The following TMEM178A variants were observed in gnomAD, a reference collection of about 807,000 sequenced individuals.
TMEM178A encodes the protein transmembrane protein 178A.
TMEM178A carries 12 observed loss-of-function variants against 29.1 expected under a neutral mutation model. The ratio of observed to expected loss-of-function variants is 0.41; its 90% confidence interval spans 0.26 to 0.67. TMEM178A has a LOEUF of 0.67. Among genes scored for constraint, TMEM178A ranks in the 30% least tolerant of loss-of-function variants. The pLI, the probability that TMEM178A is intolerant of heterozygous loss-of-function variation, is 0.29. For missense variants in TMEM178A, 366 were observed against 419.1 expected (o/e 0.87, Z 1.11); for synonymous variants, 210 against 187.2 (o/e 1.12, Z -0.99).
chr2:39,734,137 T>C, the TMEM178A span, among the ~76,000 whole-genome samples: 2 of 152,284 alleles, frequency 1.3e-5, no homozygotes, highest in East Asian at 3.9e-4. Flanking sequence ...CTCCAGCTCT[T>C]TTCCTATTTT....
intron 1 of TMEM178A, among the ~76,000 whole-genome samples, chr2:39,684,579 AT>A (rs1392823693): frequency 2.0e-5 from 3 of 152,184 alleles, no homozygotes; most frequent in Non-Finnish European, 4.4e-5. Context: ...ATATGTCCTC[AT>A]ATCCCTTTCT....
intron 3 of TMEM178A, among the ~76,000 whole-genome samples, chr2:39,711,827 CTG>C (rs1289750313): frequency 1.3e-5 from 2 of 152,100 alleles, no homozygotes; most frequent in African/African-American, 4.8e-5. Flanking sequence ...TGCATATATC[CTG>C]TGTTATTTAA....
intron 1 of TMEM178A, among the ~76,000 whole-genome samples, chr2:39,680,677 T>A (rs1489944915): frequency 6.6e-6 from 1 of 152,242 alleles, no homozygotes; most frequent in Admixed American, 6.5e-5. Context: ...TAGTATAATT[T>A]AAATTTTGCC....
In TMEM178A at chr2:39,666,137, C is replaced by A. The variant is rs768234209; in HGVS notation, c.163C>A (p.Gln55Lys). 3 of 1,536,556 alleles carry A rather than the reference C, an allele frequency of 2.0e-6. No individual in the cohort carries two copies. In the South Asian group the frequency reaches 3.6e-5, roughly 18 times the overall value. ...CCGCGCGGGCGCCGACCCCCCGGAC[C>A]AGAAGAACCGCCTGATGCCGCTGTC... The part of the protein sequence containing the change: ...RSRAGADPPD[Q>K]KNRLMPLSHL... The change falls in exon 1 of 4, where the codon CAG becomes AAG. Residue 55 changes from glutamine (Q) to lysine (K), a missense_variant. Gln to Lys is a moderately conservative substitution (Grantham distance 53, BLOSUM62 1). Around this residue, in one of 2 missense-constraint regions of TMEM178A, gnomAD observed 247 missense variants for 246.8 expected, o/e 1.00. Coordinates refer to ENST00000281961, the MANE Select transcript of TMEM178A (RefSeq NM_152390.3).
At chr2:39,733,024 C>T in the TMEM178A span, among the ~76,000 whole-genome samples, 2 of 152,216 alleles carry the variant, frequency 1.3e-5, no homozygotes, top group Non-Finnish European at 2.9e-5. Context: ...TTCCAAAAAT[C>T]TATACCCTTA....
rs1671927809 is a variant in TMEM178A at position 39,704,214 on chromosome 2, G to T, written c.514+20G>T. The T allele has an allele frequency of 6.2e-7, 1 of 1,601,384 alleles. No homozygotes were observed. Among genetic ancestry groups the T allele is most frequent in the Admixed American group, 1.7e-5 (1 of 59,942 alleles). On this transcript the variant is annotated intron_variant, in intron 2 of 3. Coordinates refer to ENST00000281961, the MANE Select transcript of TMEM178A (RefSeq NM_152390.3). ...TGCTTCGTAAGTATTTCCAGGAGAG[G>T]TTCAGAGAGGAAATGGTGTCATTCT...
At chr2:39,721,398 C>T (rs1178149644), downstream of TMEM178A, among the ~76,000 whole-genome samples, 1 of 152,220 alleles carries the variant, frequency 6.6e-6, no homozygotes, top group Non-Finnish European at 1.5e-5. Flanking sequence ...AAGAAGATAG[C>T]ATTTTTTCTG....
At chr2:39,698,403 T>C (rs1422216101) in intron 1 of TMEM178A, among the ~76,000 whole-genome samples, 2 of 152,216 alleles carry the variant, frequency 1.3e-5, no homozygotes, top group Non-Finnish European at 2.9e-5. Flanking sequence ...TTTTTCTGCA[T>C]CTTTGAGATG....
intron 1 of TMEM178A, among the ~76,000 whole-genome samples, chr2:39,681,176 G>A (rs527446402): frequency 1.3e-4 from 20 of 152,220 alleles, no homozygotes; most frequent in Admixed American, 1.3e-3. Context: ...TTAGTCATAC[G>A]TGGCAATGAT....
intron 1 of TMEM178A, among the ~76,000 whole-genome samples, chr2:39,694,280 G>A (rs2148083968): frequency 1.3e-5 from 2 of 152,142 alleles, no homozygotes; most frequent in African/African-American, 4.8e-5. Flanking sequence ...TGCTCAGAGA[G>A]GTTAAATAAC....
chr2:39,712,041 T>TGTGTGTGTGTGTG (rs140373987), intron 3 of TMEM178A, among the ~76,000 whole-genome samples: 2 of 139,252 alleles, frequency 1.4e-5, no homozygotes, highest in African/African-American at 5.3e-5. Context: ...GAATTGCATT[T>TGTGTGTGTGTGTG]TGTGTGTGTG....
At chr2:39,719,433 T>C (rs1672658933), downstream of TMEM178A, among the ~76,000 whole-genome samples, 1 of 152,148 alleles carries the variant, frequency 6.6e-6, no homozygotes, top group Non-Finnish European at 1.5e-5. Flanking sequence ...GGAGTTCACT[T>C]AGGATTCAAA....
intron 2 of TMEM178A, among the ~76,000 whole-genome samples, chr2:39,705,323 T>C (rs1671976891): frequency 6.6e-6 from 1 of 152,206 alleles, no homozygotes; most frequent in South Asian, 2.1e-4. Context: ...TATATAAGCT[T>C]AACATGACTG....
chr2:39,710,904 C>T (rs753947770), intron 3 of TMEM178A, among the ~76,000 whole-genome samples: 11 of 152,314 alleles, frequency 7.2e-5, no homozygotes, highest in Middle Eastern at 6.8e-3. Context: ...AACTCTGAAA[C>T]GATATTTCTC....
intron 1 of TMEM178A, among the ~76,000 whole-genome samples, chr2:39,695,592 T>G (rs1478856767): frequency 6.6e-6 from 1 of 151,624 alleles, no homozygotes; most frequent in Non-Finnish European, 1.5e-5. Context: ...GCTAGGATGG[T>G]CACAGAGATG....
intron 1 of TMEM178A, among the ~76,000 whole-genome samples, chr2:39,685,137 A>G (rs578190236): frequency 2.6e-5 from 4 of 152,264 alleles, no homozygotes; most frequent in Non-Finnish European, 4.4e-5. Flanking sequence ...GGGGTTCCCA[A>G]TAGAGAGCAA....
chr2:39,708,953 G>C (rs1283082632), intron 3 of TMEM178A, among the ~76,000 whole-genome samples: 3 of 152,182 alleles, frequency 2.0e-5, no homozygotes, highest in African/African-American at 7.2e-5. Context: ...GTTTCACACA[G>C]TATACTCAGC....
intron 1 of TMEM178A, among the ~76,000 whole-genome samples, chr2:39,686,136 C>G (rs1385301422): frequency 1.3e-5 from 2 of 152,236 alleles, no homozygotes; most frequent in Non-Finnish European, 2.9e-5. Context: ...CTACTGAGCC[C>G]TGAGCAGGAA....
chr2:39,714,225 G>A (rs1672435150), intron 3 of TMEM178A, among the ~76,000 whole-genome samples: 2 of 152,120 alleles, frequency 1.3e-5, no homozygotes, highest in East Asian at 3.9e-4. Context: ...GGCATTTGTG[G>A]GAAGGGGGAT....
Sources: allele counts gnomAD v4.1 joint callset (sites outside exome capture counted in the v4.1 genomes callset), GRCh38; gene constraint gnomAD v4.1.1; regional missense constraint gnomAD v4.1.1; transcripts MANE v1.5; gene names NCBI Gene and HGNC (gene_info 2026-07-23, HGNC 2026-07-21).